Variants in PPP2R2B observed in about 807,000 individuals in gnomAD.
The protein encoded by PPP2R2B is serine/threonine-protein phosphatase 2A 55 kDa regulatory subunit B beta isoform.
A neutral mutation model predicts 46.0 loss-of-function variants in PPP2R2B; 5 were observed. The observed-to-expected ratio is 0.11, with a 90% CI of 0.06 to 0.23. The LOEUF (loss-of-function observed/expected upper bound fraction) is 0.23, where lower values mean the gene tolerates loss of function less well. Among genes scored for constraint, PPP2R2B ranks in the 10% least tolerant of loss-of-function variants. PPP2R2B has a pLI of 1.00. For missense variants in PPP2R2B, 367 were observed against 575.0 expected (o/e 0.64, Z 3.70); for synonymous variants, 215 against 206.7 (o/e 1.04, Z -0.34).
At chr5:146,606,088 G>C (rs1031574363) in intron 7 of PPP2R2B, among the ~76,000 whole-genome samples, 13 of 152,180 alleles carry the variant, frequency 8.5e-5, no homozygotes, top group Admixed American at 7.9e-4. Context: ...GAAGAAGACT[G>C]CCAACTTTAG....
intron 1 of PPP2R2B, among the ~76,000 whole-genome samples, chr5:146,915,503 C>T (rs1763354400): frequency 6.6e-6 from 1 of 151,902 alleles, no homozygotes; most frequent in Admixed American, 6.6e-5. Flanking sequence ...ACATACCCCT[C>T]CCCCACTGCT....
At chr5:146,977,895 A>T (rs542716975) in intron 1 of PPP2R2B, among the ~76,000 whole-genome samples, 312 of 152,338 alleles carry the variant, frequency 2.0e-3, no homozygotes, top group African/African-American at 7.2e-3. Flanking sequence ...ATACCCAGGA[A>T]TGGGATTGCT....
chr5:146,997,324 T>TA (rs1484740310), intron 1 of PPP2R2B, among the ~76,000 whole-genome samples: 1 of 152,122 alleles, frequency 6.6e-6, no homozygotes, highest in Non-Finnish European at 1.5e-5. Context: ...TGACCCCTGG[T>TA]AAAAAACACT....
chr5:146,911,355 T>C (rs1282878388), intron 1 of PPP2R2B, among the ~76,000 whole-genome samples: 2 of 152,206 alleles, frequency 1.3e-5, no homozygotes, highest in African/African-American at 4.8e-5. Flanking sequence ...GTGCTAGGAT[T>C]ACAGGGGTAA....
chr5:146,779,425 C>G (rs753418433), intron 2 of PPP2R2B, among the ~76,000 whole-genome samples: 13 of 152,114 alleles, frequency 8.5e-5, no homozygotes, highest in Non-Finnish European at 1.8e-4. Flanking sequence ...TTTGCAGAAG[C>G]CTTGACATCC....
chr5:147,070,562 C>T (rs1362771307), intron 2 of PPP2R2B, among the ~76,000 whole-genome samples: 1 of 152,192 alleles, frequency 6.6e-6, no homozygotes, highest in East Asian at 1.9e-4. Flanking sequence ...TCTTCTCACA[C>T]ACCCTGGGCC....
chr5:146,828,132 A>G (rs1758695312), intron 2 of PPP2R2B, among the ~76,000 whole-genome samples: 1 of 152,154 alleles, frequency 6.6e-6, no homozygotes, highest in Non-Finnish European at 1.5e-5. Context: ...CCCCTCCTGC[A>G]TGATCATGCA....
chr5:146,918,272 G>C (rs1342486201), intron 1 of PPP2R2B: 1 of 152,196 alleles, frequency 6.6e-6, no homozygotes, highest in Non-Finnish European at 1.5e-5. Context: ...ACTACTGCAA[G>C]TTGAGAATGG....
At chr5:146,895,928 C>T (rs77583420) in intron 1 of PPP2R2B, among the ~76,000 whole-genome samples, 1 of 151,854 alleles carries the variant, frequency 6.6e-6, no homozygotes, top group Non-Finnish European at 1.5e-5. Flanking sequence ...CAGACCAGTC[C>T]GTGATTCTTC....
At chr5:146,696,885 G>A (rs1203835413) in intron 4 of PPP2R2B, among the ~76,000 whole-genome samples, 6 of 152,134 alleles carry the variant, frequency 3.9e-5, no homozygotes, top group African/African-American at 9.7e-5. Flanking sequence ...ATTAATATGA[G>A]ACTCATTGTA....
At position 146,754,762 on chromosome 5, in the gene PPP2R2B, G is replaced by C. The variant is rs73793257; in HGVS notation, c.71-53620C>G. 6.8e-3 allele frequency among the ~76,000 whole-genome samples: 1,037 copies of C among 152,282 alleles called. 14 individuals are homozygous for C. Among genetic ancestry groups the C allele is most frequent in the African/African-American group, 0.024 (994 of 41,550 alleles). ...GACACTCCAGGAACCCTGTGGAGAA[G>C]CCCATGTGGCAGCCTCCTGTCAATA... On this transcript the variant is annotated intron_variant, in intron 2 of 9. Coordinates refer to ENST00000394411, the MANE Select transcript of PPP2R2B (RefSeq NM_181675.4).
rs148494564 is a variant in PPP2R2B, at chr5:146,844,591, G to A, written c.70+33411C>T. Among the ~76,000 whole-genome samples, 106 of 152,208 alleles carry A rather than the reference G, an allele frequency of 7.0e-4. 1 individual carries two copies. In the East Asian group the frequency reaches 0.018, roughly 25 times the overall value. On this transcript the variant is annotated intron_variant, in intron 2 of 9. Coordinates refer to ENST00000394411, the MANE Select transcript of PPP2R2B (RefSeq NM_181675.4). ...GATAGGGCAGAAGACCTGCATGCCCGGATCCATTCTGTGCAATTTAGTTTT... is the reference window on the plus strand; with the variant it reads ...GATAGGGCAGAAGACCTGCATGCCCAGATCCATTCTGTGCAATTTAGTTTT...
chr5:146,808,520 G>C (rs1342376255), intron 2 of PPP2R2B, among the ~76,000 whole-genome samples: 1 of 150,930 alleles, frequency 6.6e-6, no homozygotes, highest in Non-Finnish European at 1.5e-5. Context: ...GAGGTAAGAG[G>C]CTGTCTGGAA....
At chr5:146,642,880 A>C (rs1413828540) in intron 6 of PPP2R2B, among the ~76,000 whole-genome samples, 1 of 152,146 alleles carries the variant, frequency 6.6e-6, no homozygotes, top group Non-Finnish European at 1.5e-5. Context: ...AACGTGGTGA[A>C]ACCCTATCTC....
At chr5:146,663,437 A>G (rs1581820912) in intron 5 of PPP2R2B, among the ~76,000 whole-genome samples, 1 of 151,796 alleles carries the variant, frequency 6.6e-6, no homozygotes, top group Non-Finnish European at 1.5e-5. Context: ...AACTTAGTAA[A>G]CCTTACTTTA....
At chr5:146,777,553 C>T (rs1433414966) in intron 2 of PPP2R2B, among the ~76,000 whole-genome samples, 1 of 152,014 alleles carries the variant, frequency 6.6e-6, no homozygotes, top group Non-Finnish European at 1.5e-5. Context: ...GATAATTGCA[C>T]AACACTGTGA....
rs1482622651 is a variant in PPP2R2B, at chr5:146,636,499, C to A, written c.790+1752G>T. Among the ~76,000 whole-genome samples, 4 of 152,330 alleles carry A rather than the reference C, an allele frequency of 2.6e-5. No individual in the cohort carries two copies. In the East Asian group the frequency reaches 7.7e-4, roughly 29 times the overall value. Reference sequence around the variant, plus strand: ...GCACCTCCCCCAGGGTCGCTGGTCTCTGCCAGGCATGGGCTGTTTTGCCTT... The same window carrying A: ...GCACCTCCCCCAGGGTCGCTGGTCTATGCCAGGCATGGGCTGTTTTGCCTT... On this transcript the variant is annotated intron_variant, in intron 7 of 9. Coordinates refer to ENST00000394411, the MANE Select transcript of PPP2R2B (RefSeq NM_181675.4).
chr5:146,742,236 G>A (rs947251865), intron 2 of PPP2R2B, among the ~76,000 whole-genome samples: 1 of 152,096 alleles, frequency 6.6e-6, no homozygotes, highest in African/African-American at 2.4e-5. Context: ...TTTTTTGTGG[G>A]CTTTTTAATA....
chr5:146,984,411 A>G (rs1225096850), intron 1 of PPP2R2B, among the ~76,000 whole-genome samples: 1 of 152,226 alleles, frequency 6.6e-6, no homozygotes, highest in Admixed American at 6.5e-5. Context: ...CACAAATGAT[A>G]CTTTTCTTCT....
Sources: gnomAD v4.1 joint callset for allele counts (sites outside exome capture counted in the v4.1 genomes callset) on GRCh38, gnomAD v4.1.1 for gene constraint, MANE v1.5 for transcripts, NCBI Gene and HGNC (gene_info 2026-07-23, HGNC 2026-07-21) for gene names.